The following FRA10AC1 variants were observed in gnomAD, a reference collection of about 807,000 sequenced individuals.
The protein encoded by FRA10AC1 is protein FRA10AC1.
In FRA10AC1, 43 loss-of-function variants were observed where a neutral mutation model predicts 56.5. That is an observed-to-expected ratio of 0.76 (90% CI 0.60 to 0.98). The LOEUF is 0.98. FRA10AC1 is among the 50% of genes least tolerant of loss of function. The pLI is 0.00. For missense variants in FRA10AC1, 346 were observed against 351.8 expected (o/e 0.98, Z 0.13); for synonymous variants, 112 against 110.5 (o/e 1.01, Z -0.09).
rs576182877 is a variant in FRA10AC1, at chr10:93,701,971, G to C, written c.-1+404C>G. On this transcript the variant is annotated intron_variant, in intron 1 of 13. Transcript: ENST00000359204. ...GACCTCATACGAATGGAGATTAAAA[G>C]AGTTGCCTCATCTAAAGGGTTTTAA... 9.9e-5 allele frequency among the ~76,000 whole-genome samples: 15 copies of C among 152,248 alleles called. No individual in the cohort carries two copies. In the East Asian group the frequency reaches 2.9e-3, roughly 29 times the overall value.
At chr10:93,695,744 A>AG (rs1475817663) in intron 4 of FRA10AC1, among the ~76,000 whole-genome samples, 5 of 151,998 alleles carry the variant, frequency 3.3e-5, no homozygotes, top group Non-Finnish European at 5.9e-5. Context: ...AAAAAAAAAA[A>AG]AGAGAGAGAC....
At chr10:93,696,622 A>T (rs1261992633) in intron 4 of FRA10AC1, among the ~76,000 whole-genome samples, 4 of 152,268 alleles carry the variant, frequency 2.6e-5, no homozygotes, top group African/African-American at 9.6e-5. Flanking sequence ...CAAAAGGAAT[A>T]TAAATCATTC....
intron 4 of FRA10AC1, among the ~76,000 whole-genome samples, chr10:93,696,386 T>G (rs1035439156): frequency 2.6e-5 from 4 of 152,164 alleles, no homozygotes; most frequent in African/African-American, 9.7e-5. Context: ...TACTCTACTC[T>G]TGTCAAACAA....
intron 11 of FRA10AC1, 46 bp from the exon 12 acceptor site, chr10:93,676,737 G>A (rs1447384082): frequency 6.6e-7 from 1 of 1,518,604 alleles, no homozygotes; most frequent in Non-Finnish European, 8.8e-7. Flanking sequence ...TCTTGTAATA[G>A]TGCAATCATT....
intron 4 of FRA10AC1, among the ~76,000 whole-genome samples, chr10:93,697,689 G>A (rs2059255975): frequency 6.6e-6 from 1 of 152,124 alleles, no homozygotes; most frequent in South Asian, 2.1e-4. Flanking sequence ...TCCACAGGCA[G>A]GCCTCATTTT....
chr10:93,701,046 C>T (rs1009422295), intron 1 of FRA10AC1, among the ~76,000 whole-genome samples: 1 of 152,058 alleles, frequency 6.6e-6, no homozygotes, highest in Non-Finnish European at 1.5e-5. Context: ...ATGTTGCCCA[C>T]GCCGGTCTCA....
chr10:93,696,907 G>A (rs1212502745), intron 4 of FRA10AC1, among the ~76,000 whole-genome samples: 2 of 152,132 alleles, frequency 1.3e-5, no homozygotes, highest in African/African-American at 4.8e-5. Flanking sequence ...TGAACAATGA[G>A]AACACATGGA....
chr10:93,693,538 A>G (rs1453469849), intron 5 of FRA10AC1, among the ~76,000 whole-genome samples: 1 of 116,356 alleles, frequency 8.6e-6, no homozygotes, highest in Non-Finnish European at 1.8e-5. Context: ...CACCATATAT[A>G]TATATATATA....
chr10:93,681,307 C>G (rs1178842724), intron 11 of FRA10AC1, among the ~76,000 whole-genome samples, 173 bp downstream of exon 11: 1 of 152,104 alleles, frequency 6.6e-6, no homozygotes, highest in Non-Finnish European at 1.5e-5. Context: ...TAGAGGAGTT[C>G]TTAAAACTCC....
At chr10:93,699,350 C>T (rs905345866) in intron 2 of FRA10AC1, among the ~76,000 whole-genome samples, 2 of 152,056 alleles carry the variant, frequency 1.3e-5, no homozygotes, top group East Asian at 1.9e-4. Flanking sequence ...AATTTCTATA[C>T]ATTTGCTTAA....
intron 12 of FRA10AC1, chr10:93,675,404 T>C (rs2133896982): frequency 6.6e-6 from 1 of 152,264 alleles, no homozygotes. Flanking sequence ...TCTTAATTCT[T>C]AGGTTTATAA....
chr10:93,668,476 G>A lies in FRA10AC1; in HGVS notation c.*1350C>T, dbSNP rs933944051. On this transcript the variant is annotated 3_prime_UTR_variant, in exon 14 of 14. Transcript: ENST00000359204. ...CTGAAGCACCTCCATAGACCCTTGC[G>A]ACTAGGACCTTATGTTAAGAAGTTA... 1.3e-5 allele frequency: 2 copies of A among 152,160 alleles called. No homozygotes were observed. Among genetic ancestry groups the A allele is most frequent in the Admixed American group, 6.6e-5 (1 of 15,258 alleles). 9.4% of individuals were successfully genotyped at this position (152,160 alleles called of 1,614,324 possible). A position where few individuals can be genotyped will look rare whatever the true frequency, so the allele number is the denominator to read the frequency against.
chr10:93,674,378 TAA>T (rs1454709109), intron 12 of FRA10AC1: 1 of 152,024 alleles, frequency 6.6e-6, no homozygotes, highest in Non-Finnish European at 1.5e-5. Context: ...CAAATGGAAA[TAA>T]AGAGCAAAAT....
intron 12 of FRA10AC1, chr10:93,674,486 T>C (rs1178874164): frequency 1.3e-5 from 2 of 152,228 alleles, no homozygotes; most frequent in Non-Finnish European, 2.9e-5. Flanking sequence ...ATATGTTTCA[T>C]GCTTGCTATG....
chr10:93,683,751 T>C (rs974038480), intron 10 of FRA10AC1, among the ~76,000 whole-genome samples: 1 of 152,206 alleles, frequency 6.6e-6, no homozygotes, highest in Non-Finnish European at 1.5e-5. Context: ...AGAACTGCTT[T>C]ATGAAGTCTG....
At position 93,669,628 on chromosome 10, in the gene FRA10AC1, A is replaced by G; in HGVS notation, c.*198T>C. On this transcript the variant is annotated 3_prime_UTR_variant, in exon 14 of 14. Transcript: ENST00000359204. ...AGATAAGCAATTGAAAAGATATTTA[A>G]AGGACAGGAAAGTCTTTAATTGAAC... 1 of 550,702 alleles carries G rather than the reference A, an allele frequency of 1.8e-6. No individual in the cohort carries two copies. Among genetic ancestry groups the G allele is most frequent in the South Asian group, 2.7e-5 (1 of 37,458 alleles). The allele number at this position is 550,702 out of a possible 1,614,324, so 34.1% of individuals were successfully genotyped here. A position where few individuals can be genotyped will look rare whatever the true frequency, so the allele number is the denominator to read the frequency against.
rs779490537 is a variant in FRA10AC1 at position 93,698,192 on chromosome 10, A to T, written c.174-11T>A. 1 of 1,569,886 alleles carries T rather than the reference A, an allele frequency of 6.4e-7. No individual in the cohort carries two copies. The highest frequency in any genetic ancestry group is 1.2e-5 in the South Asian group (1 of 85,758). ...TTTCTTGCTTCTTCCCTGTTAAAACAAATTTTTTTAAGAAAATTCAAAATG... is the reference window on the plus strand; with the variant it reads ...TTTCTTGCTTCTTCCCTGTTAAAACTAATTTTTTTAAGAAAATTCAAAATG... On this transcript the variant is annotated splice_polypyrimidine_tract_variant and intron_variant, in intron 3 of 13. Transcript: ENST00000359204.
intron 9 of FRA10AC1, 73 bp from the exon 10 acceptor site, chr10:93,684,171 A>T: frequency 9.0e-7 from 1 of 1,115,200 alleles, no homozygotes; most frequent in East Asian, 2.4e-5. Context: ...AATATCATAA[A>T]TTCGCACTTT....
chr10:93,697,745 A>G lies in FRA10AC1; in HGVS notation c.219+391T>C, dbSNP rs144272558. Reference sequence around the variant, plus strand: ...TCCAGGGACAGACTGGATAGACCTAATTTTAAATACAAGTTTTATAGAGAC... The same window carrying G: ...TCCAGGGACAGACTGGATAGACCTAGTTTTAAATACAAGTTTTATAGAGAC... On this transcript the variant is annotated intron_variant, in intron 4 of 13. Transcript: ENST00000359204. 7.0e-3 allele frequency among the ~76,000 whole-genome samples: 1,068 copies of G among 152,340 alleles called. 3 individuals are homozygous for G. The highest frequency in any genetic ancestry group is 0.015 in the African/African-American group (631 of 41,570).
Sources: allele counts gnomAD v4.1 joint callset (sites outside exome capture counted in the v4.1 genomes callset), GRCh38; gene constraint gnomAD v4.1.1; transcripts MANE v1.5; gene names NCBI Gene and HGNC (gene_info 2026-07-23, HGNC 2026-07-21).